Variants in WDR3 observed in about 807,000 individuals in gnomAD.
WDR3 encodes the protein WD repeat domain 3, also known as WD repeat-containing protein 3.
In WDR3, 81 loss-of-function variants were observed where a neutral mutation model predicts 123.7. That is an observed-to-expected ratio of 0.65 (90% CI 0.55 to 0.79). The LOEUF is 0.79. Ranked by LOEUF, WDR3 falls within the 30% of genes least tolerant of loss-of-function variation. The pLI is 0.00. For synonymous variants in WDR3, 390 were observed against 388.8 expected, an observed-to-expected ratio of 1.00 and a Z score of -0.04; for missense variants, 1,027 against 1,123.2, an observed-to-expected ratio of 0.91 and a Z score of 1.22.
Position 117,964,070 on chromosome 1 carries a change from T to C in WDR3, c.*4623T>C. The C allele has an allele frequency of 5.3e-6, 5 of 944,984 alleles. No individual in the cohort carries two copies. The highest frequency in any genetic ancestry group is 6.3e-4 in the Middle Eastern group (2 of 3,200). 58.5% of individuals were successfully genotyped at this position (944,984 alleles called of 1,614,324 possible). ...CAATTTTAGGTAACTGTCTATCCAATGCAAATTCTGCATGCTCAGGCTTGG... is the reference window on the plus strand; with the variant it reads ...CAATTTTAGGTAACTGTCTATCCAACGCAAATTCTGCATGCTCAGGCTTGG... On this transcript the variant is annotated 3_prime_UTR_variant, in exon 27 of 27. Transcript: ENST00000349139.
Position 117,936,815 on chromosome 1 carries a change from A to G in WDR3, c.428A>G (p.Tyr143Cys), listed in dbSNP as rs769384486. 6.2e-7 allele frequency: 1 copy of G among 1,613,434 alleles called. No individual in the cohort carries two copies. The highest frequency in any genetic ancestry group is 1.1e-5 in the South Asian group (1 of 91,014). Residue 143 changes from tyrosine to cysteine, a missense_variant, in exon 4 of 27, where the codon TAC (tyrosine) becomes TGC (cysteine). Tyr to Cys is a radical substitution (Grantham distance 194). Transcript: ENST00000349139. ...GATGTGATCAATGAAAGTGGTCTGT[A>G]CCGTCTAAAGGGGCACAAGGATGCC... is the stretch of plus-strand genomic sequence containing the variant. ...VWDVINESGL[Y>C]RLKGHKDAIT...
rs1278058542 is a variant in WDR3 at position 117,943,438 on chromosome 1, T to C, written c.1140T>C (p.Ala380=). 1 of 1,614,048 alleles carries C rather than the reference T, an allele frequency of 6.2e-7. No homozygotes were observed. Among genetic ancestry groups the C allele is most frequent in the East Asian group, 2.2e-5 (1 of 44,888 alleles). Residue 380 remains alanine, a synonymous_variant, in exon 11 of 27, where the codon GCT becomes GCC. Transcript: ENST00000349139. Reference sequence around the variant, plus strand: ...ATTCACCTCACGGAGAGTTAAAGGCTGTCTTCCTGCTGCAGAACAACCTGG... The same window carrying C: ...ATTCACCTCACGGAGAGTTAAAGGCCGTCTTCCTGCTGCAGAACAACCTGG... ...LIHSPHGELK[A]VFLLQNNLVE...
chr1:117,950,816 TG>T lies in WDR3; in HGVS notation c.1747-17del, dbSNP rs762746344. 368 of 1,597,682 alleles carry T rather than the reference TG, an allele frequency of 2.3e-4. 3 individuals are homozygous for T. Among genetic ancestry groups the T allele is most frequent in the Middle Eastern group, 1.4e-3 (8 of 5,660 alleles). On this transcript the variant is annotated splice_polypyrimidine_tract_variant and intron_variant, in intron 15 of 26. Transcript: ENST00000349139. ...ATATTTTATAGACAGACATTAATTATGTTTTTTTGATGTTTAGTTTTTTCTG... is the reference window on the plus strand; with the variant it reads ...ATATTTTATAGACAGACATTAATTATTTTTTTTGATGTTTAGTTTTTTCTG...
chr1:117,941,196 G>C lies in WDR3; in HGVS notation c.862G>C (p.Asp288His). ...AGACAGAGTTGTAAACCTTGCAGTC[G>C]ACAAGACAGGCAGGATTCTTGCTTG... is the stretch of plus-strand genomic sequence containing the variant. Reference protein sequence around the residue: ...GRDRVVNLAVDKTGRILACHG... With the variant: ...GRDRVVNLAVHKTGRILACHG... The change falls in exon 8 of 27, where the codon GAC becomes CAC. Residue 288 changes from aspartate to histidine, a missense_variant. Asp to His is a moderately conservative substitution (Grantham distance 81). Transcript: ENST00000349139. The C allele has an allele frequency of 6.2e-7, 1 of 1,614,042 alleles. No homozygotes were observed. The highest frequency in any genetic ancestry group is 8.5e-7 in the Non-Finnish European group (1 of 1,179,992).
rs1650848207 is a variant in WDR3, at chr1:117,934,520, C to A, written c.219C>A (p.Pro73=). ...GLKQEVTCLC[P]SPDGLHLAVG... is the part of the protein sequence containing the mutation. Reference sequence around the variant, plus strand: ...AACAAGAAGTTACTTGCTTATGCCCCTCCCCAGATGGGCTACACTTAGCTG... The same window carrying A: ...AACAAGAAGTTACTTGCTTATGCCCATCCCCAGATGGGCTACACTTAGCTG... The change falls in exon 3 of 27, where the codon CCC becomes CCA. Residue 73 remains proline (P), a synonymous_variant. Transcript: ENST00000349139. 3.1e-6 allele frequency: 5 copies of A among 1,614,134 alleles called. No homozygotes were observed. The East Asian group carries it at 1.1e-4, about 36-fold the overall frequency.
intron 21 of WDR3, 197 bp downstream of exon 21, chr1:117,953,738 T>C: frequency 4.8e-6 from 3 of 625,140 alleles, no homozygotes; most frequent in South Asian, 4.1e-5. Flanking sequence ...CAATATGTGC[T>C]CCTTTCAGGT....
At chr1:117,944,397 C>A (rs1404360871) in intron 11 of WDR3, among the ~76,000 whole-genome samples, 1 of 152,126 alleles carries the variant, frequency 6.6e-6, no homozygotes, top group Non-Finnish European at 1.5e-5. Context: ...GTCTTTGGAC[C>A]TTTTGTGTAT....
At chr1:117,944,164 C>A (rs1306145850) in intron 11 of WDR3, among the ~76,000 whole-genome samples, 6 of 152,206 alleles carry the variant, frequency 3.9e-5, no homozygotes, top group Non-Finnish European at 8.8e-5. Flanking sequence ...CTTTTGTCCC[C>A]ACTGTTTCAC....
chr1:117,962,796 A>G lies in WDR3; in HGVS notation c.*3349A>G, dbSNP rs899074044. 2 of 152,214 alleles carry G rather than the reference A, an allele frequency of 1.3e-5. No individual in the cohort carries two copies. The highest frequency in any genetic ancestry group is 2.9e-5 in the Non-Finnish European group (2 of 68,050). The allele number at this position is 152,214 out of a possible 1,614,324, so 9.4% of individuals were successfully genotyped here. On this transcript the variant is annotated 3_prime_UTR_variant, in exon 27 of 27. Coordinates refer to ENST00000349139, the MANE Select transcript of WDR3 (RefSeq NM_006784.3). ...ATCTAGGACAGTGCCCAGGAAAGCA[A>G]TGGTATCTGTTGGTAGGTACAGGAC... is the stretch of plus-strand genomic sequence containing the variant.
Position 117,962,399 on chromosome 1 carries a change from C to T in WDR3, c.*2952C>T, listed in dbSNP as rs543598235. ...CTGTATATAATCCTTAATATAAAAA[C>T]CATCTAATGACTAATATCTCTTGCA... On this transcript the variant is annotated 3_prime_UTR_variant, in exon 27 of 27. Transcript: ENST00000349139. The T allele has an allele frequency of 3.3e-5, 5 of 152,196 alleles. No homozygotes were observed. Among genetic ancestry groups the T allele is most frequent in the South Asian group, 4.1e-4 (2 of 4,822 alleles). The allele number at this position is 152,196 out of a possible 1,614,324, so 9.4% of individuals were successfully genotyped here.
chr1:117,939,689 C>A, intron 6 of WDR3, 117 bp downstream of exon 6: 1 of 967,634 alleles, frequency 1.0e-6, no homozygotes, highest in Non-Finnish European at 1.6e-6. Context: ...TTCTATCACA[C>A]CAATAACCTG....
intron 3 of WDR3, among the ~76,000 whole-genome samples, chr1:117,935,366 G>A (rs1650878503): frequency 6.6e-6 from 1 of 151,958 alleles, no homozygotes; most frequent in Admixed American, 6.6e-5. Context: ...TAAAATTTGG[G>A]AAGAAAAGAA....
intron 25 of WDR3, among the ~76,000 whole-genome samples, chr1:117,958,298 G>A (rs576609920): frequency 5.3e-5 from 8 of 152,192 alleles, no homozygotes; most frequent in African/African-American, 1.4e-4. Flanking sequence ...TCATAATTTG[G>A]GGCAACTTGT....
rs754421327 is a variant in WDR3 at position 117,963,048 on chromosome 1, C to G, written c.*3601C>G. 22 of 152,206 alleles carry G rather than the reference C, an allele frequency of 1.4e-4. No homozygotes were observed. Among genetic ancestry groups the G allele is most frequent in the Non-Finnish European group, 3.1e-4 (21 of 68,072 alleles). The allele number at this position is 152,206 out of a possible 1,614,324, so 9.4% of individuals were successfully genotyped here. The stretch of plus-strand genomic sequence containing the variant: ...CTTAAAGGTAGTATCACCATATATT[C>G]AAGTCCTTTCTCTTTATTTCTGAGG... On this transcript the variant is annotated 3_prime_UTR_variant, in exon 27 of 27. Transcript: ENST00000349139.
chr1:117,941,726 C>T (rs1433422434), intron 8 of WDR3, 24 bp from the exon 9 acceptor site: 6 of 1,598,942 alleles, frequency 3.8e-6, no homozygotes, highest in Non-Finnish European at 5.1e-6. Flanking sequence ...CTCCTTGACT[C>T]ACATTAACCT....
intron 24 of WDR3, among the ~76,000 whole-genome samples, 182 bp downstream of exon 24, chr1:117,955,540 T>C (rs1379478868): frequency 6.6e-6 from 1 of 152,156 alleles, no homozygotes; most frequent in Non-Finnish European, 1.5e-5. Context: ...AGGAAGTTCC[T>C]TCTAAAGTAT....
chr1:117,949,903 C>A, intron 14 of WDR3, 67 bp downstream of exon 14: 2 of 1,608,556 alleles, frequency 1.2e-6, no homozygotes, highest in Middle Eastern at 1.7e-4. Context: ...GGCCTTTTGA[C>A]GTCTTATATC....
chr1:117,960,023 A>G lies in WDR3; in HGVS notation c.*576A>G, dbSNP rs1652821460. The stretch of plus-strand genomic sequence containing the variant: ...AGAAGATTCTAATTGCTAACTGTTT[A>G]TACTTTTCTGAATAAAATAGTTGTT... On this transcript the variant is annotated 3_prime_UTR_variant, in exon 27 of 27. Transcript: ENST00000349139. 1 of 152,144 alleles carries G rather than the reference A, an allele frequency of 6.6e-6. No individual in the cohort carries two copies. The highest frequency in any genetic ancestry group is 2.1e-4 in the South Asian group (1 of 4,834). The allele number at this position is 152,144 out of a possible 1,614,324, so 9.4% of individuals were successfully genotyped here.
intron 12 of WDR3, among the ~76,000 whole-genome samples, chr1:117,947,386 A>G (rs1444924153): frequency 5.9e-5 from 9 of 152,216 alleles, no homozygotes; most frequent in Non-Finnish European, 1.5e-5. Flanking sequence ...ATGGATCACA[A>G]TGGATATTTC....
Sources: gnomAD v4.1 joint callset for allele counts (sites outside exome capture counted in the v4.1 genomes callset) on GRCh38, gnomAD v4.1.1 for gene constraint, MANE v1.5 for transcripts, NCBI Gene and HGNC (gene_info 2026-07-23, HGNC 2026-07-21) for gene names.